The following PTPN9 variants were observed in gnomAD, a reference collection of about 807,000 sequenced individuals.
The protein encoded by PTPN9 is protein tyrosine phosphatase non-receptor type 9.
In PTPN9, 26 loss-of-function variants were observed where a neutral mutation model predicts 69.8. That is an observed-to-expected ratio of 0.37 (90% CI 0.27 to 0.52). The LOEUF is 0.52. Among genes scored for constraint, PTPN9 ranks in the 20% least tolerant of loss-of-function variants. The pLI is 0.91. For missense variants in PTPN9, 549 were observed against 740.3 expected, an observed-to-expected ratio of 0.74 and a Z score of 3.00; for synonymous variants, 274 against 272.5, an observed-to-expected ratio of 1.01 and a Z score of -0.05.
Position 75,505,829 on chromosome 15 carries a change from C to T in PTPN9, c.814G>A (p.Ala272Thr). The change falls in exon 7 of 13, where the codon GCC (alanine) becomes ACC (threonine). Residue 272 changes from alanine to threonine, a missense_variant. By Grantham distance (58) the Ala-to-Thr change is moderately conservative. Coordinates refer to ENST00000618819, the MANE Select transcript of PTPN9 (RefSeq NM_002833.4). ...DEIILFSLPP[A>T]LDWDSVHVPG... Reference sequence around the variant, plus strand: ...ACATGTACTGAGTCCCAGTCTAAGGCAGGAGGGAGGGAGAACAGGATGATC... The same window carrying T: ...ACATGTACTGAGTCCCAGTCTAAGGTAGGAGGGAGGGAGAACAGGATGATC... 6.2e-7 allele frequency: 1 copy of T among 1,614,110 alleles called. No homozygotes were observed. Among genetic ancestry groups the T allele is most frequent in the Non-Finnish European group, 8.5e-7 (1 of 1,180,034 alleles).
chr15:75,568,187 G>C (rs578045033), intron 1 of PTPN9, among the ~76,000 whole-genome samples: 180 of 151,670 alleles, frequency 1.2e-3, no homozygotes, highest in Non-Finnish European at 1.8e-3. Context: ...CACCCTCCAT[G>C]TCCATGTTTA....
chr15:75,469,652 G>T, intron 12 of PTPN9, 140 bp downstream of exon 12: 1 of 902,162 alleles, frequency 1.1e-6, no homozygotes. Context: ...GACATTAGAT[G>T]AGGGATTTTT....
At chr15:75,551,906 T>C (rs1395986296) in intron 1 of PTPN9, among the ~76,000 whole-genome samples, 5 of 150,996 alleles carry the variant, frequency 3.3e-5, no homozygotes, top group Admixed American at 2.6e-4. Flanking sequence ...GGCATGGTGG[T>C]GCACGCCTGT....
At chr15:75,546,844 AG>A (rs2075035402) in intron 1 of PTPN9, among the ~76,000 whole-genome samples, 1 of 152,106 alleles carries the variant, frequency 6.6e-6, no homozygotes, top group Non-Finnish European at 1.5e-5. Flanking sequence ...GGTTTCAAGA[AG>A]AAAGTAACCA....
chr15:75,555,798 C>T (rs1416731714), intron 1 of PTPN9, among the ~76,000 whole-genome samples: 1 of 151,980 alleles, frequency 6.6e-6, no homozygotes, highest in Non-Finnish European at 1.5e-5. Context: ...AGCCACTGCG[C>T]CCGGCCAAAA....
chr15:75,576,292 G>A (rs992756194), intron 1 of PTPN9, among the ~76,000 whole-genome samples: 5 of 152,062 alleles, frequency 3.3e-5, no homozygotes, highest in African/African-American at 7.2e-5. Flanking sequence ...AACACTTTGG[G>A]AGGCCAAGGC....
At chr15:75,504,367 G>A (rs1378913589) in intron 7 of PTPN9, among the ~76,000 whole-genome samples, 7 of 120,296 alleles carry the variant, frequency 5.8e-5, no homozygotes, top group South Asian at 2.8e-4. Context: ...CAGCCACCCC[G>A]TCCGGGAGGG....
chr15:75,516,429 A>C (rs2141316765), intron 5 of PTPN9, among the ~76,000 whole-genome samples: 1 of 148,752 alleles, frequency 6.7e-6, no homozygotes, highest in East Asian at 2.0e-4. Context: ...TCAGCCTCCC[A>C]AGTAGCTGGG....
chr15:75,570,989 G>A (rs554761530), intron 1 of PTPN9, among the ~76,000 whole-genome samples: 14 of 152,258 alleles, frequency 9.2e-5, no homozygotes, highest in African/African-American at 3.4e-4. Flanking sequence ...GACGGGCACG[G>A]TAGCTCATGC....
intron 9 of PTPN9, 46 bp from the exon 10 acceptor site, chr15:75,473,813 T>C (rs772226681): frequency 6.8e-7 from 1 of 1,467,072 alleles, no homozygotes; most frequent in East Asian, 2.3e-5. Flanking sequence ...GGGAAACACT[T>C]TTTTTCTTTT....
At chr15:75,535,670 G>A (rs1028744685) in intron 1 of PTPN9, among the ~76,000 whole-genome samples, 8 of 152,174 alleles carry the variant, frequency 5.3e-5, no homozygotes, top group African/African-American at 1.9e-4. Context: ...CAACAAATAT[G>A]CCATTTCTCC....
chr15:75,522,803 A>C (rs1171598491), intron 4 of PTPN9, among the ~76,000 whole-genome samples: 1 of 152,190 alleles, frequency 6.6e-6, no homozygotes, highest in South Asian at 2.1e-4. Flanking sequence ...TGATATGAGC[A>C]AAAAGAACCA....
At chr15:75,471,288 GAA>G (rs914478129) in intron 10 of PTPN9, among the ~76,000 whole-genome samples, 1 of 149,034 alleles carries the variant, frequency 6.7e-6, no homozygotes, top group Non-Finnish European at 1.5e-5. Context: ...AAAAGAAAAA[GAA>G]AAAAAAAGAG....
At chr15:75,514,712 A>G (rs2074860885) in intron 5 of PTPN9, among the ~76,000 whole-genome samples, 2 of 152,270 alleles carry the variant, frequency 1.3e-5, no homozygotes, top group Non-Finnish European at 2.9e-5. Flanking sequence ...TTAGAATAAT[A>G]TATTAAAAAC....
chr15:75,542,498 GATC>G (rs1793311245), intron 1 of PTPN9, among the ~76,000 whole-genome samples: 1 of 152,200 alleles, frequency 6.6e-6, no homozygotes, highest in African/African-American at 2.4e-5. Flanking sequence ...ACTGGGAACG[GATC>G]AACAGGAAAC....
At chr15:75,488,061 A>G (rs1226755062) in intron 8 of PTPN9, among the ~76,000 whole-genome samples, 1 of 150,882 alleles carries the variant, frequency 6.6e-6, no homozygotes, top group Admixed American at 6.6e-5. Context: ...CAGGCGGATC[A>G]CCCCAGGTCA....
chr15:75,552,558 T>C (rs927000790), intron 1 of PTPN9, among the ~76,000 whole-genome samples: 17 of 152,174 alleles, frequency 1.1e-4, no homozygotes, highest in African/African-American at 2.6e-4. Flanking sequence ...ATCACCTTTA[T>C]GTTAAATGAT....
At chr15:75,510,027 ATTTCTC>A (rs1262963421) in intron 5 of PTPN9, among the ~76,000 whole-genome samples, 2 of 152,184 alleles carry the variant, frequency 1.3e-5, no homozygotes, top group African/African-American at 4.8e-5. Flanking sequence ...AATTTTAAAA[ATTTCTC>A]TTTCATAACT....
At chr15:75,474,233 A>C (rs1207849186) in intron 9 of PTPN9, among the ~76,000 whole-genome samples, 1 of 152,200 alleles carries the variant, frequency 6.6e-6, no homozygotes, top group Non-Finnish European at 1.5e-5. Context: ...AATTAGCTTT[A>C]TCTTGGCCGG....
Sources: allele counts gnomAD v4.1 joint callset (sites outside exome capture counted in the v4.1 genomes callset), GRCh38; gene constraint gnomAD v4.1.1; transcripts MANE v1.5; gene names NCBI Gene and HGNC (gene_info 2026-07-23, HGNC 2026-07-21).